Variants in ERBB4 observed in about 807,000 individuals in gnomAD.
ERBB4 encodes the protein receptor tyrosine-protein kinase erbB-4.
In ERBB4, 42 loss-of-function variants were observed where a neutral mutation model predicts 158.0. The ratio of observed to expected loss-of-function variants is 0.27; its 90% CI spans 0.21 to 0.34. The LOEUF is 0.34. Ranked by LOEUF, ERBB4 falls within the 10% of genes least tolerant of loss-of-function variation. ERBB4 has a pLI of 1.00. For missense variants in ERBB4, 1,333 were observed against 1,624.1 expected (o/e 0.82, Z 3.08); for synonymous variants, 583 against 558.7 (o/e 1.04, Z -0.61).
chr2:212,153,177 G>T (rs1056544691), intron 1 of ERBB4, among the ~76,000 whole-genome samples: 4 of 152,186 alleles, frequency 2.6e-5, no homozygotes, highest in Admixed American at 6.6e-5. Context: ...ATCGTCATTT[G>T]CATCTTCTCT....
At chr2:211,959,016 A>G (rs1036845857) in intron 2 of ERBB4, among the ~76,000 whole-genome samples, 7 of 152,082 alleles carry the variant, frequency 4.6e-5, no homozygotes, top group Non-Finnish European at 1.0e-4. Flanking sequence ...ATGCAAATAT[A>G]ACCAAACAAT....
intron 20 of ERBB4, among the ~76,000 whole-genome samples, chr2:211,465,440 A>G (rs185304793): frequency 8.8e-4 from 133 of 151,184 alleles, no homozygotes; most frequent in Non-Finnish European, 1.7e-3. Context: ...TTTAAAAATG[A>G]CATCATAGCT....
intron 2 of ERBB4, among the ~76,000 whole-genome samples, chr2:211,962,905 G>A (rs1488722064): frequency 6.6e-6 from 1 of 151,996 alleles, no homozygotes; most frequent in Non-Finnish European, 1.5e-5. Context: ...TGAACTTTCG[G>A]TTATCTGATG....
intron 1 of ERBB4, among the ~76,000 whole-genome samples, chr2:212,517,123 A>T (rs894828122): frequency 3.3e-5 from 5 of 152,116 alleles, no homozygotes; most frequent in African/African-American, 1.2e-4. Context: ...ACATTTTGAA[A>T]TTTTCATTGA....
intron 2 of ERBB4, among the ~76,000 whole-genome samples, chr2:212,057,005 C>T (rs528609112): frequency 1.3e-5 from 2 of 152,234 alleles, no homozygotes; most frequent in East Asian, 3.9e-4. Context: ...AGAGTCAAGA[C>T]TCATCAGTGT....
chr2:212,261,924 T>C (rs2084961105), intron 1 of ERBB4, among the ~76,000 whole-genome samples: 1 of 152,098 alleles, frequency 6.6e-6, no homozygotes, highest in Non-Finnish European at 1.5e-5. Flanking sequence ...TAAAATTAAA[T>C]TTACAAAATT....
At chr2:211,491,237 A>G (rs2065334704) in intron 20 of ERBB4, among the ~76,000 whole-genome samples, 1 of 152,114 alleles carries the variant, frequency 6.6e-6, no homozygotes, top group Non-Finnish European at 1.5e-5. Context: ...ACCAAATTTT[A>G]GAAATGTACG....
At chr2:212,168,812 T>C (rs748177718) in intron 1 of ERBB4, among the ~76,000 whole-genome samples, 3 of 152,162 alleles carry the variant, frequency 2.0e-5, no homozygotes, top group Non-Finnish European at 4.4e-5. Flanking sequence ...ATGAGGCCCA[T>C]GCCTGAAGCA....
intron 1 of ERBB4, among the ~76,000 whole-genome samples, chr2:212,341,716 T>C (rs2088723170): frequency 6.6e-6 from 1 of 152,168 alleles, no homozygotes; most frequent in Admixed American, 6.5e-5. Flanking sequence ...CAAATTATAT[T>C]GTAGAACATG....
rs74402268 is a variant in ERBB4 at position 212,270,775 on chromosome 2, C to G, written c.83-145872G>C. Among the ~76,000 whole-genome samples the G allele has an allele frequency of 5.1e-3, 765 of 151,448 alleles. 4 individuals are homozygous for G. The highest frequency in any genetic ancestry group is 0.017 in the Middle Eastern group (5 of 294). ...AAGGTCTGTTCAGGGAGAGAGAAAG[C>G]GGGGGAAATGAAGAAAGAGAGAATG... is the stretch of plus-strand genomic sequence containing the variant. On this transcript the variant is annotated intron_variant, in intron 1 of 27. Transcript: ENST00000342788.
intron 19 of ERBB4, among the ~76,000 whole-genome samples, chr2:211,612,946 C>T (rs921629526): frequency 4.0e-5 from 6 of 151,876 alleles, no homozygotes; most frequent in Non-Finnish European, 7.4e-5. Flanking sequence ...CTGGTAGGGA[C>T]AATAGGGTGG....
chr2:211,560,741 T>C (rs185986261), intron 20 of ERBB4, among the ~76,000 whole-genome samples: 26 of 151,596 alleles, frequency 1.7e-4, no homozygotes, highest in African/African-American at 6.1e-4. Context: ...AGTTATTACA[T>C]AACAGTTACA....
chr2:212,365,916 C>G (rs911194758), intron 1 of ERBB4, among the ~76,000 whole-genome samples: 1 of 151,792 alleles, frequency 6.6e-6, no homozygotes, highest in Non-Finnish European at 1.5e-5. Context: ...AAACCCTCCA[C>G]GATCAGACCA....
intron 2 of ERBB4, among the ~76,000 whole-genome samples, chr2:212,063,566 A>G (rs114636848): frequency 0.013 from 1,973 of 152,226 alleles, 22 homozygotes; most frequent in Middle Eastern, 0.027. Context: ...TTACAGTCCT[A>G]AGATTTTATC....
intron 1 of ERBB4, among the ~76,000 whole-genome samples, chr2:212,406,029 C>G (rs1378896698): frequency 6.6e-6 from 1 of 152,128 alleles, no homozygotes; most frequent in Non-Finnish European, 1.5e-5. Flanking sequence ...CAAAACCATA[C>G]ACAGTGTGAA....
At chr2:211,447,770 T>G (rs752399416) in intron 20 of ERBB4, among the ~76,000 whole-genome samples, 26 of 152,276 alleles carry the variant, frequency 1.7e-4, no homozygotes, top group Admixed American at 4.6e-4. Context: ...TGTCAGGAGA[T>G]TCAAGCTATT....
chr2:211,671,321 G>A (rs4423543), intron 14 of ERBB4, among the ~76,000 whole-genome samples: 42,292 of 151,940 alleles, frequency 0.28, 7,395 homozygotes, highest in East Asian at 0.88. Context: ...GTATACTCAT[G>A]AAGCCTGGCA....
At chr2:212,112,173 T>C (rs563525800) in intron 2 of ERBB4, among the ~76,000 whole-genome samples, 16 of 152,260 alleles carry the variant, frequency 1.1e-4, no homozygotes, top group African/African-American at 3.6e-4. Context: ...CACAGGCAGA[T>C]CTTTTGTAGA....
intron 3 of ERBB4, among the ~76,000 whole-genome samples, chr2:211,898,521 A>G (rs931598391): frequency 1.3e-5 from 2 of 152,184 alleles, no homozygotes; most frequent in Non-Finnish European, 2.9e-5. Context: ...AAGTAATTCT[A>G]AAAACTATTT....
Sources: allele counts gnomAD v4.1 joint callset (sites outside exome capture counted in the v4.1 genomes callset), GRCh38; gene constraint gnomAD v4.1.1; transcripts MANE v1.5; gene names NCBI Gene and HGNC (gene_info 2026-07-23, HGNC 2026-07-21).